Variants in MAGI2 observed in about 807,000 individuals in gnomAD.
The protein encoded by MAGI2 is membrane associated guanylate kinase, WW and PDZ domain containing 2, also known as membrane-associated guanylate kinase, WW and PDZ domain-containing protein 2.
MAGI2 carries 35 observed loss-of-function variants against 133.3 expected under a neutral mutation model. The observed-to-expected ratio is 0.26, with a 90% CI of 0.20 to 0.35. The LOEUF (loss-of-function observed/expected upper bound fraction) is 0.35, where lower values mean the gene tolerates loss of function less well. Among genes scored for constraint, MAGI2 ranks in the 10% least tolerant of loss-of-function variants. The pLI is 1.00. For missense variants in MAGI2, 1,636 were observed against 1,863.4 expected, an observed-to-expected ratio of 0.88 and a Z score of 2.25; for synonymous variants, 729 against 710.6, an observed-to-expected ratio of 1.03 and a Z score of -0.41.
At chr7:79,214,360 CCTCTCTCTCTCTCTCTCTCT>C (rs71531163) in intron 1 of MAGI2, among the ~76,000 whole-genome samples, 25 of 27,562 alleles carry the variant, frequency 9.1e-4, no homozygotes, top group African/African-American at 2.8e-3. Context: ...GCATTACGCA[CCTCTCTCTCTCTCTCTCTCT>C]CTCTCTCTCT....
chr7:79,176,807 C>T (rs2129549764), intron 1 of MAGI2, among the ~76,000 whole-genome samples: 1 of 152,008 alleles, frequency 6.6e-6, no homozygotes, highest in Middle Eastern at 3.4e-3. Flanking sequence ...TTGTATCAAG[C>T]TTTGGGTTAG....
chr7:78,053,964 C>T (rs1477073150), intron 21 of MAGI2, among the ~76,000 whole-genome samples: 7 of 152,048 alleles, frequency 4.6e-5, no homozygotes, highest in East Asian at 1.9e-4. Context: ...TGTACTCCCC[C>T]GAGATCTACC....
At chr7:78,470,765 TGAAAA>T (rs924824698) in intron 6 of MAGI2, among the ~76,000 whole-genome samples, 1 of 152,122 alleles carries the variant, frequency 6.6e-6, no homozygotes, top group Non-Finnish European at 1.5e-5. Flanking sequence ...AATTTTGAAA[TGAAAA>T]GAAAATTCCA....
chr7:78,801,059 A>G (rs923746965), intron 2 of MAGI2, among the ~76,000 whole-genome samples: 18 of 152,164 alleles, frequency 1.2e-4, no homozygotes, highest in Admixed American at 1.2e-3. Flanking sequence ...AGTGATTGAC[A>G]AAGTTTGAGG....
At chr7:78,313,170 T>C (rs1162799943) in intron 9 of MAGI2, among the ~76,000 whole-genome samples, 2 of 151,932 alleles carry the variant, frequency 1.3e-5, no homozygotes, top group Non-Finnish European at 2.9e-5. Flanking sequence ...GAAAGTGTAA[T>C]GGTAGATAAT....
chr7:78,652,146 G>A (rs990547434), intron 2 of MAGI2, among the ~76,000 whole-genome samples: 1 of 152,124 alleles, frequency 6.6e-6, no homozygotes, highest in Non-Finnish European at 1.5e-5. Context: ...GAGAGAAATA[G>A]GCAAGCAAAT....
intron 6 of MAGI2, among the ~76,000 whole-genome samples, chr7:78,424,313 G>A (rs967832239): frequency 6.6e-6 from 1 of 152,194 alleles, no homozygotes; most frequent in African/African-American, 2.4e-5. Context: ...GTCAAGAATT[G>A]AGGTTTGGGA....
chr7:79,413,943 C>A (rs1418183127), intron 1 of MAGI2: 1 of 152,142 alleles, frequency 6.6e-6, no homozygotes, highest in Non-Finnish European at 1.5e-5. Flanking sequence ...ATTGGTGATA[C>A]AAAGGCTATA....
At chr7:79,434,585 C>T (rs1299903012) in intron 1 of MAGI2, among the ~76,000 whole-genome samples, 2 of 152,154 alleles carry the variant, frequency 1.3e-5, no homozygotes, top group Non-Finnish European at 2.9e-5. Flanking sequence ...TGTCAAAAAT[C>T]TACCACAGCA....
chr7:78,891,647 A>G (rs914389856), intron 2 of MAGI2, among the ~76,000 whole-genome samples: 1 of 152,238 alleles, frequency 6.6e-6, no homozygotes, highest in Non-Finnish European at 1.5e-5. Flanking sequence ...ATCTCAATAG[A>G]TGCAGAAAAG....
At chr7:78,457,815 G>A (rs756969896) in intron 6 of MAGI2, among the ~76,000 whole-genome samples, 26 of 152,174 alleles carry the variant, frequency 1.7e-4, no homozygotes, top group Non-Finnish European at 3.2e-4. Context: ...TGTAAGAGCT[G>A]AGATTCAAAT....
At chr7:78,751,937 A>G (rs1823493523) in intron 2 of MAGI2, among the ~76,000 whole-genome samples, 1 of 152,236 alleles carries the variant, frequency 6.6e-6, no homozygotes, top group Non-Finnish European at 1.5e-5. Context: ...ATAGTCTACT[A>G]CAGACAGTAG....
chr7:79,265,035 G>T (rs1834346628), intron 1 of MAGI2, among the ~76,000 whole-genome samples: 1 of 151,984 alleles, frequency 6.6e-6, no homozygotes, highest in Admixed American at 6.6e-5. Context: ...CCAACATTGG[G>T]GATCAAATGT....
intron 2 of MAGI2, among the ~76,000 whole-genome samples, chr7:78,704,468 C>T (rs1406027222): frequency 6.6e-6 from 1 of 151,994 alleles, no homozygotes; most frequent in African/African-American, 2.4e-5. Flanking sequence ...GCTGTTGGTA[C>T]AAGGGTAAAA....
intron 2 of MAGI2, among the ~76,000 whole-genome samples, chr7:78,673,499 C>A (rs1031135278): frequency 6.6e-6 from 1 of 151,964 alleles, no homozygotes; most frequent in Non-Finnish European, 1.5e-5. Context: ...CAGTTTCAGT[C>A]CAAAAGCTGG....
At chr7:78,708,767 A>G (rs1243646248) in intron 2 of MAGI2, among the ~76,000 whole-genome samples, 1 of 151,984 alleles carries the variant, frequency 6.6e-6, no homozygotes, top group Non-Finnish European at 1.5e-5. Flanking sequence ...GGTATCAATA[A>G]CTCCATTTCA....
intron 1 of MAGI2, among the ~76,000 whole-genome samples, chr7:79,263,567 T>C (rs894043285): frequency 2.6e-5 from 4 of 152,158 alleles, no homozygotes; most frequent in Admixed American, 6.6e-5. Context: ...AAATTCTCCT[T>C]AAGGAAAATT....
At chr7:79,440,383 T>A (rs1284253878) in intron 1 of MAGI2, among the ~76,000 whole-genome samples, 1 of 152,054 alleles carries the variant, frequency 6.6e-6, no homozygotes, top group African/African-American at 2.4e-5. Context: ...CTGGTTTGCT[T>A]TCTTGATTAT....
At chr7:78,271,549 C>T (rs1475440951) in intron 9 of MAGI2, among the ~76,000 whole-genome samples, 1 of 152,170 alleles carries the variant, frequency 6.6e-6, no homozygotes, top group Non-Finnish European at 1.5e-5. Context: ...CTCTTTGTAG[C>T]TCTGGTAGAA....
Sources: allele counts gnomAD v4.1 joint callset (sites outside exome capture counted in the v4.1 genomes callset), GRCh38; gene constraint gnomAD v4.1.1; transcripts MANE v1.5; gene names NCBI Gene and HGNC (gene_info 2026-07-23, HGNC 2026-07-21).